The following PTPRJ variants were observed in gnomAD, a reference collection of about 807,000 sequenced individuals.
The protein encoded by PTPRJ is receptor-type tyrosine-protein phosphatase eta.
Under a neutral mutation model 141.3 loss-of-function variants are expected in PTPRJ, and 129 were observed. That is an observed-to-expected ratio of 0.91 (90% CI 0.79 to 1.06). The LOEUF (loss-of-function observed/expected upper bound fraction) is 1.06, where lower values mean the gene tolerates loss of function less well. Ranked by LOEUF, PTPRJ falls within the 50% of genes least tolerant of loss-of-function variation. PTPRJ has a pLI of 0.00. For missense variants in PTPRJ, 1,601 were observed against 1,679.7 expected, an observed-to-expected ratio of 0.95 and a Z score of 0.82; for synonymous variants, 610 against 640.5, an observed-to-expected ratio of 0.95 and a Z score of 0.72.
intron 1 of PTPRJ, among the ~76,000 whole-genome samples, chr11:48,045,289 G>A (rs1480567249): frequency 6.6e-6 from 1 of 152,146 alleles, no homozygotes; most frequent in Non-Finnish European, 1.5e-5. Context: ...GCGAGCAGAG[G>A]CAGAGTTGGG....
intron 4 of PTPRJ, among the ~76,000 whole-genome samples, chr11:48,122,451 C>T (rs892617307): frequency 6.6e-6 from 1 of 152,184 alleles, no homozygotes; most frequent in African/African-American, 2.4e-5. Context: ...TCAGCTGCTG[C>T]GTATTGAGCA....
intron 1 of PTPRJ, among the ~76,000 whole-genome samples, chr11:48,060,121 C>T (rs544735330): frequency 4.6e-5 from 7 of 152,108 alleles, no homozygotes; most frequent in East Asian, 1.9e-4. Flanking sequence ...ATCACACTTT[C>T]GAAAGTGAAG....
chr11:48,139,848 T>A, intron 11 of PTPRJ, 72 bp downstream of exon 11: 1 of 1,452,826 alleles, frequency 6.9e-7, no homozygotes, highest in Non-Finnish European at 9.5e-7. Flanking sequence ...ACAGTGGGTC[T>A]GCACGTGTGG....
At chr11:48,005,084 TG>T (rs1306487806) in intron 1 of PTPRJ, among the ~76,000 whole-genome samples, 4 of 133,150 alleles carry the variant, frequency 3.0e-5, no homozygotes, top group African/African-American at 1.6e-4. Context: ...TAGCCAGGCA[TG>T]GTGGTGGGTG....
chr11:48,098,171 C>T lies in PTPRJ; in HGVS notation c.97-11887C>T, dbSNP rs560609166. 2.6e-5 allele frequency among the ~76,000 whole-genome samples: 4 copies of T among 152,322 alleles called. No individual in the cohort carries two copies. In the South Asian group the frequency reaches 8.3e-4, roughly 32 times the overall value. On this transcript the variant is annotated intron_variant, in intron 1 of 24. Coordinates refer to ENST00000418331, the MANE Select transcript of PTPRJ (RefSeq NM_002843.4). ...CCTATTCAGTCTGACCCACAAGAGG[C>T]CAGGCCAGCTCTGTTCCAGGCCCTG...
intron 1 of PTPRJ, among the ~76,000 whole-genome samples, chr11:47,992,395 G>T (rs910519344): frequency 6.6e-6 from 1 of 152,058 alleles, no homozygotes; most frequent in Non-Finnish European, 1.5e-5. Context: ...GGCTGGTCTG[G>T]AACTCCTGAC....
At position 47,981,001 on chromosome 11, in the gene PTPRJ, T is replaced by C; in HGVS notation, c.89T>C (p.Leu30Pro). 1.1e-6 allele frequency: 1 copy of C among 890,662 alleles called. No individual in the cohort carries two copies. Among genetic ancestry groups the C allele is most frequent in the Non-Finnish European group, 1.4e-6 (1 of 728,980 alleles). The allele number at this position is 890,662 out of a possible 1,614,324, so 55.2% of individuals were successfully genotyped here. A position where few individuals can be genotyped will look rare whatever the true frequency, so the allele number is the denominator to read the frequency against. ...ALPLLLLLLR[L>P]GQILCAGGTP... is the part of the protein sequence containing the mutation. ...CCGCTGCTGCTGCTGCTGCTGCGCC[T>C]GGGCCAGGTAAGCGCCGGGTGGGCT... is the stretch of plus-strand genomic sequence containing the variant. The change falls in exon 1 of 25, where the codon CTG becomes CCG. Residue 30 changes from leucine (L) to proline (P), a missense_variant. By Grantham distance (98) the Leu-to-Pro change is moderately conservative. Coordinates refer to ENST00000418331, the MANE Select transcript of PTPRJ (RefSeq NM_002843.4).
At chr11:48,076,853 TTTTTTC>T (rs572127749) in intron 1 of PTPRJ, among the ~76,000 whole-genome samples, 84 of 151,322 alleles carry the variant, frequency 5.6e-4, no homozygotes, top group Non-Finnish European at 9.1e-4. Context: ...AGAACAACTC[TTTTTTC>T]TTTTTCTTTT....
intron 1 of PTPRJ, among the ~76,000 whole-genome samples, chr11:48,036,352 A>C (rs1490077207): frequency 6.6e-6 from 1 of 152,182 alleles, no homozygotes; most frequent in East Asian, 1.9e-4. Flanking sequence ...TTAACTGCAG[A>C]GTTTCCAGTG....
chr11:48,040,926 C>T (rs1421805692), intron 1 of PTPRJ, among the ~76,000 whole-genome samples: 1 of 152,096 alleles, frequency 6.6e-6, no homozygotes, highest in East Asian at 1.9e-4. Flanking sequence ...CTGTTCACTA[C>T]AGCCGTGGAG....
chr11:48,036,455 T>G (rs1409270194), intron 1 of PTPRJ, among the ~76,000 whole-genome samples: 1 of 152,224 alleles, frequency 6.6e-6, no homozygotes, highest in Admixed American at 6.5e-5. Flanking sequence ...TGGTATCAGG[T>G]TTAAAGTCGT....
At chr11:48,130,323 G>A (rs1856942031) in intron 7 of PTPRJ, 136 bp from the exon 8 acceptor site, 2 of 872,806 alleles carry the variant, frequency 2.3e-6, no homozygotes, top group African/African-American at 1.7e-5. Flanking sequence ...CATGTTGTAG[G>A]TGATGATACA....
chr11:48,026,043 A>T (rs1853800681), intron 1 of PTPRJ, among the ~76,000 whole-genome samples: 1 of 152,198 alleles, frequency 6.6e-6, no homozygotes, highest in South Asian at 2.1e-4. Context: ...CCGACTCTGT[A>T]AATTTGGAAT....
rs1349361231 is a variant in PTPRJ at position 47,980,881 on chromosome 11, G to C, written c.-32G>C. 7.2e-6 allele frequency: 8 copies of C among 1,117,428 alleles called. No homozygotes were observed. Among genetic ancestry groups the C allele is most frequent in the African/African-American group, 1.7e-5 (1 of 60,182 alleles). 69.2% of individuals were successfully genotyped at this position (1,117,428 alleles called of 1,614,324 possible). A position where few individuals can be genotyped will look rare whatever the true frequency, so the allele number is the denominator to read the frequency against. ...GGGCGCACGGCGGGGCCCGATTCGC[G>C]CGTCCGGGGCACGTTCCAGGGCGCG... On this transcript the variant is annotated 5_prime_UTR_variant, in exon 1 of 25. Transcript: ENST00000418331.
chr11:48,029,321 A>G (rs543467561), intron 1 of PTPRJ, among the ~76,000 whole-genome samples: 2 of 152,370 alleles, frequency 1.3e-5, no homozygotes, highest in Non-Finnish European at 2.9e-5. Flanking sequence ...TGATTTTGCT[A>G]GAGGGAAAAA....
At chr11:48,030,231 A>G (rs1464955859) in intron 1 of PTPRJ, among the ~76,000 whole-genome samples, 2 of 152,238 alleles carry the variant, frequency 1.3e-5, no homozygotes, top group Non-Finnish European at 2.9e-5. Context: ...GATTAACTTT[A>G]GCTGTGTATA....
chr11:47,982,389 G>A (rs1470565221), intron 1 of PTPRJ, among the ~76,000 whole-genome samples: 1 of 152,192 alleles, frequency 6.6e-6, no homozygotes, highest in African/African-American at 2.4e-5. Flanking sequence ...TGTTTGAGGG[G>A]CTTCCACTGG....
At chr11:48,108,969 G>A (rs1315102563) in intron 1 of PTPRJ, among the ~76,000 whole-genome samples, 1 of 152,190 alleles carries the variant, frequency 6.6e-6, no homozygotes, top group Non-Finnish European at 1.5e-5. Context: ...CACACAGTGT[G>A]GTTGGAGGAG....
At position 48,023,018 on chromosome 11, in the gene PTPRJ, G is replaced by A. The variant is rs113018301; in HGVS notation, c.96+42010G>A. ...TGGGATAGGGCGGTGGGTAAAAGCC[G>A]TTACAATTTTGTCCAAATGGTATGG... On this transcript the variant is annotated intron_variant, in intron 1 of 24. Coordinates refer to ENST00000418331, the MANE Select transcript of PTPRJ (RefSeq NM_002843.4). Among the ~76,000 whole-genome samples the A allele has an allele frequency of 6.6e-3, 1,007 of 152,162 alleles. 15 individuals are homozygous for A. The highest frequency in any genetic ancestry group is 0.022 in the African/African-American group (932 of 41,490).
Sources: allele counts gnomAD v4.1 joint callset (sites outside exome capture counted in the v4.1 genomes callset), GRCh38; gene constraint gnomAD v4.1.1; transcripts MANE v1.5; gene names NCBI Gene and HGNC (gene_info 2026-07-23, HGNC 2026-07-21).